The following AIG1 variants were observed in gnomAD, a reference collection of about 807,000 sequenced individuals.
AIG1 encodes androgen-induced gene 1 protein.
Under a neutral mutation model 31.4 loss-of-function variants are expected in AIG1, and 23 were observed. The ratio of observed to expected loss-of-function variants is 0.73; its 90% CI spans 0.53 to 1.04. The LOEUF (loss-of-function observed/expected upper bound fraction) is 1.04, where lower values mean the gene tolerates loss of function less well. Ranked by LOEUF, AIG1 falls within the 50% of genes least tolerant of loss-of-function variation. The probability of loss-of-function intolerance (pLI) is 0.00; values close to 1 mark genes in which losing one functional copy is unlikely to be tolerated. For missense variants in AIG1, 274 were observed against 295.0 expected (o/e 0.93, Z 0.52); for synonymous variants, 100 against 110.5 (o/e 0.90, Z 0.60).
chr6:143,309,083 T>G (rs1385006800), intron 4 of AIG1, among the ~76,000 whole-genome samples: 1 of 152,008 alleles, frequency 6.6e-6, no homozygotes, highest in Non-Finnish European at 1.5e-5. Flanking sequence ...TATAATATAC[T>G]TCTCATCAGA....
At chr6:143,137,482 A>G (rs1250992167) in intron 2 of AIG1, among the ~76,000 whole-genome samples, 2 of 152,152 alleles carry the variant, frequency 1.3e-5, no homozygotes, top group African/African-American at 4.8e-5. Context: ...TCAGTTTCTT[A>G]AGCAGCCCAA....
chr6:143,195,467 AGTT>A (rs1790145840), intron 3 of AIG1, among the ~76,000 whole-genome samples: 1 of 152,146 alleles, frequency 6.6e-6, no homozygotes. Context: ...AGCTTTGGGG[AGTT>A]GTTGAAGAGT....
chr6:143,255,128 G>A (rs1392228565), intron 3 of AIG1, among the ~76,000 whole-genome samples: 1 of 152,124 alleles, frequency 6.6e-6, no homozygotes, highest in Admixed American at 6.5e-5. Context: ...GCATAGAAGA[G>A]CCCCTTACTT....
rs559244737 is a variant in AIG1, at chr6:143,212,873, C to T, written c.399+47690C>T. On this transcript the variant is annotated intron_variant, in intron 3 of 5. Coordinates refer to ENST00000357847, the MANE Select transcript of AIG1 (RefSeq NM_016108.4). Reference sequence around the variant, plus strand: ...GGCATATATGCCCAGCATAACATCTCGTCTTCTAAGACAGCAACATAAGAT... The same window carrying T: ...GGCATATATGCCCAGCATAACATCTTGTCTTCTAAGACAGCAACATAAGAT... Among the ~76,000 whole-genome samples, 76 of 152,258 alleles carry T rather than the reference C, an allele frequency of 5.0e-4. 2 individuals carry two copies. In the South Asian group the frequency reaches 0.015, roughly 29 times the overall value.
intron 3 of AIG1, among the ~76,000 whole-genome samples, chr6:143,231,651 T>G (rs1583574831): frequency 6.6e-6 from 1 of 152,218 alleles, no homozygotes; most frequent in Non-Finnish European, 1.5e-5. Flanking sequence ...TATATCTTAT[T>G]TAATTCAACA....
At chr6:143,109,345 T>G (rs1781076133) in intron 1 of AIG1, among the ~76,000 whole-genome samples, 1 of 152,204 alleles carries the variant, frequency 6.6e-6, no homozygotes, top group Non-Finnish European at 1.5e-5. Flanking sequence ...TGCTTATACA[T>G]GTAACATTGG....
At chr6:143,107,441 G>A (rs1008356501) in intron 1 of AIG1, among the ~76,000 whole-genome samples, 1 of 152,130 alleles carries the variant, frequency 6.6e-6, no homozygotes, top group Non-Finnish European at 1.5e-5. Flanking sequence ...GTAGAAGCTA[G>A]CTGTATAAAA....
intron 1 of AIG1, among the ~76,000 whole-genome samples, chr6:143,098,326 A>T (rs1405007793): frequency 1.3e-5 from 2 of 152,192 alleles, no homozygotes; most frequent in Non-Finnish European, 2.9e-5. Context: ...CCTAGTAAAT[A>T]ACCTTCTTTT....
Position 143,339,892 on chromosome 6 carries a change from C to A in AIG1, c.*216C>A. The A allele has an allele frequency of 5.3e-6, 2 of 379,752 alleles. No homozygotes were observed. The highest frequency in any genetic ancestry group is 4.6e-5 in the Admixed American group (1 of 21,654). The allele number at this position is 379,752 out of a possible 1,614,324, so 23.5% of individuals were successfully genotyped here. A position where few individuals can be genotyped will look rare whatever the true frequency, so the allele number is the denominator to read the frequency against. ...CTCACTGTGTGTTAAAGAATTCTTC[C>A]CAAAGTCATTACTGATAATAACATT... On this transcript the variant is annotated 3_prime_UTR_variant, in exon 6 of 6. Transcript: ENST00000357847.
intron 2 of AIG1, among the ~76,000 whole-genome samples, chr6:143,156,437 A>T (rs1000811542): frequency 1.3e-5 from 2 of 152,216 alleles, no homozygotes; most frequent in African/African-American, 4.8e-5. Flanking sequence ...CATGCATAGA[A>T]AAAGATCTTG....
At chr6:143,282,503 G>T (rs933926494) in intron 3 of AIG1, among the ~76,000 whole-genome samples, 1 of 152,136 alleles carries the variant, frequency 6.6e-6, no homozygotes, top group African/African-American at 2.4e-5. Flanking sequence ...AATGCATACT[G>T]TCTCTGTACT....
At chr6:143,226,103 C>T (rs1048177730) in intron 3 of AIG1, among the ~76,000 whole-genome samples, 2 of 152,158 alleles carry the variant, frequency 1.3e-5, no homozygotes, top group Admixed American at 1.3e-4. Flanking sequence ...AACCAGTCAT[C>T]ATTGTTCTCT....
chr6:143,095,901 CTTTTTTTT>C lies in AIG1; in HGVS notation c.141+34852_141+34859del, dbSNP rs372161832. On this transcript the variant is annotated intron_variant, in intron 1 of 5. Transcript: ENST00000357847. Reference sequence around the variant, plus strand: ...GTGGTTTTAATTACAGCTACTTTATCTTTTTTTTTTTTTTTTTTTTTTTTGAGATGGAG... The same window carrying C: ...GTGGTTTTAATTACAGCTACTTTATCTTTTTTTTTTTTTTTTGAGATGGAG... Among the ~76,000 whole-genome samples, 947 of 103,718 alleles carry C rather than the reference CTTTTTTTT, an allele frequency of 9.1e-3. 3 individuals carry two copies. Among genetic ancestry groups the C allele is most frequent in the Non-Finnish European group, 0.014 (765 of 53,668 alleles). 68.0% of individuals were successfully genotyped at this position (103,718 alleles called of 152,430 possible). A position where few individuals can be genotyped will look rare whatever the true frequency, so the allele number is the denominator to read the frequency against.
At chr6:143,133,661 G>A (rs1783471917) in intron 1 of AIG1, among the ~76,000 whole-genome samples, 1 of 152,010 alleles carries the variant, frequency 6.6e-6, no homozygotes, top group African/African-American at 2.4e-5. Flanking sequence ...TGAAAAGCCT[G>A]GTTCATATAT....
chr6:143,143,375 C>A (rs570622475), intron 2 of AIG1, among the ~76,000 whole-genome samples: 47 of 149,152 alleles, frequency 3.2e-4, no homozygotes, highest in African/African-American at 1.1e-3. Flanking sequence ...GTGGCGGGTG[C>A]CTGTAGTCCT....
At chr6:143,100,648 T>C (rs1780180623) in intron 1 of AIG1, among the ~76,000 whole-genome samples, 1 of 152,126 alleles carries the variant, frequency 6.6e-6, no homozygotes, top group Admixed American at 6.6e-5. Context: ...AAGATGCTAA[T>C]GGAGAGAAGA....
chr6:143,097,875 G>A lies in AIG1; in HGVS notation c.141+36809G>A, dbSNP rs950929706. On this transcript the variant is annotated intron_variant, in intron 1 of 5. Coordinates refer to ENST00000357847, the MANE Select transcript of AIG1 (RefSeq NM_016108.4). The stretch of plus-strand genomic sequence containing the variant: ...CTACTATACTTTCTCTCCTATTGCA[G>A]TAGAAGAAGTGTCTGTGCTTCTAAG... Among the ~76,000 whole-genome samples, 5 of 152,162 alleles carry A rather than the reference G, an allele frequency of 3.3e-5. No individual in the cohort carries two copies. In the East Asian group the frequency reaches 9.6e-4, roughly 29 times the overall value.
intron 3 of AIG1, among the ~76,000 whole-genome samples, chr6:143,271,987 A>G (rs1796557607): frequency 6.6e-6 from 1 of 152,230 alleles, no homozygotes; most frequent in South Asian, 2.1e-4. Flanking sequence ...AAAGCTTAGC[A>G]TACAATGGTC....
rs1028890421 is a variant in AIG1 at position 143,194,243 on chromosome 6, C to T, written c.399+29060C>T. On this transcript the variant is annotated intron_variant, in intron 3 of 5. Coordinates refer to ENST00000357847, the MANE Select transcript of AIG1 (RefSeq NM_016108.4). ...AAGGAAGCAGGCGTGTCTTACATGG[C>T]GGCAGGTGAGAAAGAGCAAGCATGT... Among the ~76,000 whole-genome samples, 9 of 152,102 alleles carry T rather than the reference C, an allele frequency of 5.9e-5. 1 individual carries two copies. The highest frequency in any genetic ancestry group is 6.5e-5 in the Admixed American group (1 of 15,274).
Sources: gnomAD v4.1 joint callset for allele counts (sites outside exome capture counted in the v4.1 genomes callset) on GRCh38, gnomAD v4.1.1 for gene constraint, MANE v1.5 for transcripts, NCBI Gene and HGNC (gene_info 2026-07-23, HGNC 2026-07-21) for gene names.